SNX2: variants seen among roughly 807,000 people sequenced by gnomAD.
SNX2 encodes sorting nexin 2, also known as sorting nexin-2.
A neutral mutation model predicts 69.9 loss-of-function variants in SNX2; 25 were observed. The ratio of observed to expected loss-of-function variants is 0.36; its 90% CI spans 0.26 to 0.50. The LOEUF is 0.50. SNX2 is among the 20% of genes least tolerant of loss of function. SNX2 has a pLI of 0.97. For missense variants in SNX2, 551 were observed against 613.3 expected, an observed-to-expected ratio of 0.90 and a Z score of 1.07; for synonymous variants, 229 against 200.4, an observed-to-expected ratio of 1.14 and a Z score of -1.20.
At chr5:122,822,308 C>G (rs1309824296) in intron 11 of SNX2, among the ~76,000 whole-genome samples, 2 of 152,154 alleles carry the variant, frequency 1.3e-5, no homozygotes, top group African/African-American at 2.4e-5. Flanking sequence ...GATGGCCTAT[C>G]TCTTGACCTC....
intron 6 of SNX2, 78 bp downstream of exon 6, chr5:122,803,691 T>C: frequency 8.7e-7 from 1 of 1,148,380 alleles, no homozygotes; most frequent in Non-Finnish European, 1.2e-6. Flanking sequence ...TGTGGATTTC[T>C]TAGTCATTCA....
intron 5 of SNX2, among the ~76,000 whole-genome samples, chr5:122,802,966 T>C (rs932481809): frequency 6.6e-6 from 1 of 152,116 alleles, no homozygotes; most frequent in African/African-American, 2.4e-5. Flanking sequence ...ACAGTGAGGA[T>C]GAGGATGACA....
chr5:122,831,009 CAAAAAAAAAAA>C lies in SNX2; in HGVS notation c.*1375_*1385del, dbSNP rs58159922. Among the ~76,000 whole-genome samples the C allele has an allele frequency of 3.2e-5, 2 of 63,006 alleles. No individual in the cohort carries two copies. The highest frequency in any genetic ancestry group is 2.9e-5 in the Non-Finnish European group (1 of 33,920). 41.3% of individuals were successfully genotyped at this position (63,006 alleles called of 152,430 possible). On this transcript the variant is annotated 3_prime_UTR_variant, in exon 15 of 15. Transcript: ENST00000379516. ...AGGCAACAAAAGCAAAACTCCATCT[CAAAAAAAAAAA>C]AAAAAAAAAAAAAGATGACTGGTGT...
chr5:122,794,116 GC>G (rs1753318638), intron 1 of SNX2, among the ~76,000 whole-genome samples: 1 of 151,976 alleles, frequency 6.6e-6, no homozygotes, highest in African/African-American at 2.4e-5. Flanking sequence ...TTCGAGACCA[GC>G]CTGACCAACA....
At chr5:122,820,200 CA>C (rs552297841) in intron 11 of SNX2, among the ~76,000 whole-genome samples, 1 of 152,168 alleles carries the variant, frequency 6.6e-6, no homozygotes, top group African/African-American at 2.4e-5. Context: ...ACACTTCCAA[CA>C]AACCCGTGGG....
At chr5:122,812,841 T>A (rs565452264) in intron 7 of SNX2, among the ~76,000 whole-genome samples, 10 of 152,334 alleles carry the variant, frequency 6.6e-5, no homozygotes, top group African/African-American at 2.4e-4. Flanking sequence ...TCTTTCTACC[T>A]TTTTATTCTC....
At chr5:122,804,409 A>G (rs986677585) in intron 6 of SNX2, among the ~76,000 whole-genome samples, 1 of 143,266 alleles carries the variant, frequency 7.0e-6, no homozygotes, top group Non-Finnish European at 1.5e-5. Flanking sequence ...TCTGTCATCC[A>G]GGCTGGAGTG....
rs1753530279 is a variant in SNX2 at position 122,802,118 on chromosome 5, A to G, written c.495A>G (p.Thr165=). 1 of 1,613,656 alleles carries G rather than the reference A, an allele frequency of 6.2e-7. No individual in the cohort carries two copies. Among genetic ancestry groups the G allele is most frequent in the African/African-American group, 1.3e-5 (1 of 74,922 alleles). The part of the protein sequence containing the change: ...GMNAYMAYRV[T]TKTSLSMFSK... ...ATGCCTATATGGCATATAGAGTAAC[A>G]ACAAAGGTGAGCTTTTTGTGCTTTT... The change falls in exon 5 of 15, where the codon ACA becomes ACG. Residue 165 remains threonine (T), a synonymous_variant. Coordinates refer to ENST00000379516, the MANE Select transcript of SNX2 (RefSeq NM_003100.4).
intron 2 of SNX2, among the ~76,000 whole-genome samples, chr5:122,797,128 A>T (rs985087826): frequency 6.6e-6 from 1 of 152,130 alleles, no homozygotes; most frequent in African/African-American, 2.4e-5. Context: ...GGATCTTGCT[A>T]TGTTGCCCAG....
rs145232436 is a variant in SNX2, at chr5:122,831,333, C to T, written c.*1685C>T. Among the ~76,000 whole-genome samples, 500 of 151,948 alleles carry T rather than the reference C, an allele frequency of 3.3e-3. 9 individuals are homozygous for T. Among genetic ancestry groups the T allele is most frequent in the Non-Finnish European group, 3.2e-3 (219 of 67,970 alleles). Reference sequence around the variant, plus strand: ...TAATAAGGGCTTGATGGGCCAGGCACAGTGACTCACATGCCTGTAGTCCCA... The same window carrying T: ...TAATAAGGGCTTGATGGGCCAGGCATAGTGACTCACATGCCTGTAGTCCCA... On this transcript the variant is annotated 3_prime_UTR_variant, in exon 15 of 15. Transcript: ENST00000379516.
chr5:122,821,790 T>C (rs1211855973), intron 11 of SNX2, among the ~76,000 whole-genome samples: 1 of 152,098 alleles, frequency 6.6e-6, no homozygotes, highest in East Asian at 1.9e-4. Flanking sequence ...TAGCATTCCA[T>C]CATATAACAT....
chr5:122,788,051 C>T (rs1021335274), intron 1 of SNX2, among the ~76,000 whole-genome samples: 2 of 152,134 alleles, frequency 1.3e-5, no homozygotes, highest in African/African-American at 4.8e-5. Flanking sequence ...GAATTTCCTT[C>T]AGCATTTCTT....
chr5:122,816,836 G>A (rs1302758742), intron 8 of SNX2, 79 bp from the exon 9 acceptor site: 5 of 625,004 alleles, frequency 8.0e-6, no homozygotes, highest in African/African-American at 3.8e-5. Context: ...GGGGGGAGGA[G>A]GGGGGATCAC....
At chr5:122,804,074 G>C (rs1469690918) in intron 6 of SNX2, among the ~76,000 whole-genome samples, 1 of 152,020 alleles carries the variant, frequency 6.6e-6, no homozygotes, top group African/African-American at 2.4e-5. Flanking sequence ...AGAAGGCGGA[G>C]GTTGCAGTGA....
chr5:122,777,479 AAGTC>A (rs1311613700), intron 1 of SNX2, among the ~76,000 whole-genome samples: 3 of 152,326 alleles, frequency 2.0e-5, no homozygotes, highest in African/African-American at 7.2e-5. Flanking sequence ...ATAAAATCAA[AAGTC>A]AGTCATATAA....
Position 122,803,528 on chromosome 5 carries a change from C to T in SNX2, c.558C>T (p.Asp186=). 1.2e-6 allele frequency: 2 copies of T among 1,612,720 alleles called. No homozygotes were observed. Among genetic ancestry groups the T allele is most frequent in the Non-Finnish European group, 1.7e-6 (2 of 1,179,536 alleles). The change falls in exon 6 of 15, where the codon GAC becomes GAT. Residue 186 remains aspartate (D), a synonymous_variant. Transcript: ENST00000379516. ...TTTCAGTGAAAAGAAGATTCAGCGA[C>T]TTTCTTGGTTTGCACAGCAAATTAG... ...SEFSVKRRFS[D]FLGLHSKLAS... is the part of the protein sequence containing the mutation.
chr5:122,806,031 C>G (rs1160130035), intron 6 of SNX2, among the ~76,000 whole-genome samples: 2 of 151,870 alleles, frequency 1.3e-5, no homozygotes, highest in Non-Finnish European at 2.9e-5. Context: ...TCGCCCGTCT[C>G]AGCCTCCCAA....
intron 7 of SNX2, among the ~76,000 whole-genome samples, chr5:122,810,009 G>T (rs929702781): frequency 4.6e-5 from 7 of 152,008 alleles, no homozygotes; most frequent in Non-Finnish European, 8.8e-5. Flanking sequence ...TGCCGGGTCT[G>T]TGTGGATAGA....
chr5:122,799,739 C>G lies in SNX2; in HGVS notation c.274C>G (p.Leu92Val), dbSNP rs772655334. 2 of 1,613,806 alleles carry G rather than the reference C, an allele frequency of 1.2e-6. No homozygotes were observed. Among genetic ancestry groups the G allele is most frequent in the Admixed American group, 3.3e-5 (2 of 60,000 alleles). Reference protein sequence around the residue: ...SLDSPEREPILSSEPSPAVTP... With the variant: ...SLDSPEREPIVSSEPSPAVTP... ...GGACAGCCCTGAAAGGGAACCTATC[C>G]TATCCTCGGAACCTTCTCCTGCAGT... Residue 92 changes from leucine to valine, a missense_variant, in exon 3 of 15, where the codon CTA becomes GTA. Leu to Val is a conservative substitution (Grantham distance 32). Transcript: ENST00000379516.
Sources: gnomAD v4.1 joint callset for allele counts (sites outside exome capture counted in the v4.1 genomes callset) on GRCh38, gnomAD v4.1.1 for gene constraint, MANE v1.5 for transcripts, NCBI Gene and HGNC (gene_info 2026-07-23, HGNC 2026-07-21) for gene names.